FBXW2: variants seen among roughly 807,000 people sequenced by gnomAD.
FBXW2 encodes the protein F-box and WD repeat domain containing 2.
FBXW2 carries 12 observed loss-of-function variants against 46.0 expected under a neutral mutation model. The observed-to-expected ratio is 0.26, with a 90% CI of 0.17 to 0.42. The LOEUF (loss-of-function observed/expected upper bound fraction) is 0.42. FBXW2 is among the 10% of genes least tolerant of loss of function. The pLI is 1.00. For missense variants in FBXW2, 360 were observed against 537.0 expected (o/e 0.67, Z 3.26); for synonymous variants, 203 against 209.6 (o/e 0.97, Z 0.27).
intron 3 of FBXW2, 142 bp downstream of exon 3, chr9:120,787,627 A>T: frequency 1.3e-6 from 1 of 758,652 alleles, no homozygotes. Context: ...AGGGGGGGGA[A>T]CCACTCAGGA....
Position 120,776,241 on chromosome 9 carries a change from T to C in FBXW2, c.686-15A>G, listed in dbSNP as rs750236568. ...CACGCTAAATACTAGTGCATATAAT[T>C]ACACAAAGTTAAAACATGTCTCTGT... On this transcript the variant is annotated splice_polypyrimidine_tract_variant and intron_variant, in intron 4 of 7. Transcript: ENST00000608872. The C allele has an allele frequency of 6.2e-7, 1 of 1,610,952 alleles. No individual in the cohort carries two copies. The highest frequency in any genetic ancestry group is 8.5e-7 in the Non-Finnish European group (1 of 1,178,848).
intron 3 of FBXW2, among the ~76,000 whole-genome samples, chr9:120,785,003 C>CA (rs1211504031): frequency 6.6e-6 from 1 of 150,534 alleles, no homozygotes; most frequent in Non-Finnish European, 1.5e-5. Flanking sequence ...GATGATACTG[C>CA]ATCTTAATAT....
chr9:120,790,499 GA>G (rs894225287), intron 2 of FBXW2, among the ~76,000 whole-genome samples: 42 of 151,644 alleles, frequency 2.8e-4, no homozygotes, highest in African/African-American at 8.0e-4. Context: ...AGAAAAAAAA[GA>G]AAAAAAACCA....
At chr9:120,766,858 A>G (rs1456240873) in intron 7 of FBXW2, among the ~76,000 whole-genome samples, 1 of 152,246 alleles carries the variant, frequency 6.6e-6, no homozygotes, top group East Asian at 1.9e-4. Flanking sequence ...TACAGCTAAC[A>G]TAATGCAGGC....
chr9:120,777,953 C>A (rs1382576870), intron 4 of FBXW2, among the ~76,000 whole-genome samples: 2 of 151,822 alleles, frequency 1.3e-5, no homozygotes, highest in Non-Finnish European at 2.9e-5. Flanking sequence ...AACTTTCAGC[C>A]CTAATGCTAC....
chr9:120,793,075 A>C, intron 2 of FBXW2, 74 bp downstream of exon 2: 1 of 904,800 alleles, frequency 1.1e-6, no homozygotes, highest in Non-Finnish European at 1.7e-6. Context: ...CCGTCTCTAA[A>C]ATCCAGATCC....
intron 7 of FBXW2, among the ~76,000 whole-genome samples, chr9:120,765,491 C>T (rs990136119): frequency 1.3e-5 from 2 of 152,164 alleles, no homozygotes; most frequent in African/African-American, 4.8e-5. Context: ...GCTGTGAAAA[C>T]CAAAGCTCAG....
chr9:120,775,721 C>A (rs900747586), intron 5 of FBXW2, among the ~76,000 whole-genome samples: 6 of 152,104 alleles, frequency 3.9e-5, no homozygotes, highest in African/African-American at 1.4e-4. Flanking sequence ...AAGAAAGAAA[C>A]ATGTTTATTC....
At chr9:120,780,494 G>A (rs891100818) in intron 3 of FBXW2, among the ~76,000 whole-genome samples, 12 of 152,106 alleles carry the variant, frequency 7.9e-5, no homozygotes, top group Non-Finnish European at 1.3e-4. Flanking sequence ...TTGAAACCCA[G>A]TATTTCACAC....
intron 3 of FBXW2, among the ~76,000 whole-genome samples, chr9:120,786,872 T>C (rs1369921797): frequency 6.6e-6 from 1 of 152,194 alleles, no homozygotes; most frequent in African/African-American, 2.4e-5. Flanking sequence ...CATATAATTT[T>C]AAATTTTTAA....
chr9:120,783,465 A>T (rs919731591), intron 3 of FBXW2, among the ~76,000 whole-genome samples: 21 of 152,230 alleles, frequency 1.4e-4, no homozygotes, highest in East Asian at 9.6e-4. Flanking sequence ...ATAATACTTT[A>T]AAAAAAATCA....
chr9:120,775,773 C>T (rs1034297064), intron 5 of FBXW2, among the ~76,000 whole-genome samples: 32 of 152,312 alleles, frequency 2.1e-4, no homozygotes, highest in Middle Eastern at 3.4e-3. Flanking sequence ...GAAATACCCA[C>T]CTTCAACATT....
intron 5 of FBXW2, among the ~76,000 whole-genome samples, chr9:120,774,850 C>T (rs1388178495): frequency 1.3e-5 from 2 of 152,180 alleles, no homozygotes; most frequent in African/African-American, 4.8e-5. Flanking sequence ...AGGATTACCA[C>T]CTCTCTGCCC....
intron 3 of FBXW2, among the ~76,000 whole-genome samples, chr9:120,781,899 T>C (rs1226230257): frequency 1.3e-5 from 2 of 151,670 alleles, no homozygotes; most frequent in Non-Finnish European, 2.9e-5. Flanking sequence ...GGCGCACGCC[T>C]GTAATCCCAG....
intron 3 of FBXW2, among the ~76,000 whole-genome samples, chr9:120,786,000 CAG>C (rs1193622722): frequency 3.6e-5 from 4 of 110,868 alleles, no homozygotes; most frequent in Non-Finnish European, 6.6e-5. Context: ...ACCTGGGTGA[CAG>C]AGTGAGACTC....
intron 7 of FBXW2, among the ~76,000 whole-genome samples, chr9:120,770,129 C>T (rs951317461): frequency 2.0e-5 from 3 of 152,168 alleles, no homozygotes; most frequent in Non-Finnish European, 2.9e-5. Context: ...GTAATCCCAG[C>T]ACTTTGGGAG....
At chr9:120,784,626 A>T (rs1216517813) in intron 3 of FBXW2, among the ~76,000 whole-genome samples, 1 of 151,604 alleles carries the variant, frequency 6.6e-6, no homozygotes, top group Non-Finnish European at 1.5e-5. Context: ...AAAAAAGAAA[A>T]AAAAAAAATG....
rs927255835 is a variant in FBXW2 at position 120,763,341 on chromosome 9, A to G, written c.*1218T>C. 1 of 152,210 alleles carries G rather than the reference A, an allele frequency of 6.6e-6. No homozygotes were observed. Among genetic ancestry groups the G allele is most frequent in the African/African-American group, 2.4e-5 (1 of 41,454 alleles). 9.4% of individuals were successfully genotyped at this position (152,210 alleles called of 1,614,324 possible). A position where few individuals can be genotyped will look rare whatever the true frequency, so the allele number is the denominator to read the frequency against. On this transcript the variant is annotated 3_prime_UTR_variant, in exon 8 of 8. Transcript: ENST00000608872. ...CATCTAGGACAATTCCCTCACTTAA[A>G]AGATGAAGAAAATGATGGTCTTAGA...
intron 3 of FBXW2, among the ~76,000 whole-genome samples, chr9:120,782,677 A>G (rs2044640897): frequency 6.6e-6 from 1 of 152,100 alleles, no homozygotes; most frequent in Non-Finnish European, 1.5e-5. Context: ...CCCCATCTCC[A>G]TAAAAAATAC....
Sources: allele counts gnomAD v4.1 joint callset (sites outside exome capture counted in the v4.1 genomes callset), GRCh38; gene constraint gnomAD v4.1.1; transcripts MANE v1.5; gene names NCBI Gene and HGNC (gene_info 2026-07-23, HGNC 2026-07-21).